L3MBTL3: variants seen among roughly 807,000 people sequenced by gnomAD.
The protein encoded by L3MBTL3 is lethal(3)malignant brain tumor-like protein 3.
A neutral mutation model predicts 102.3 loss-of-function variants in L3MBTL3; 27 were observed. The ratio of observed to expected loss-of-function variants is 0.26; its 90% CI spans 0.19 to 0.36. The LOEUF (loss-of-function observed/expected upper bound fraction) is 0.36, where lower values mean the gene tolerates loss of function less well. Ranked by LOEUF, L3MBTL3 falls within the 10% of genes least tolerant of loss-of-function variation. The pLI, the probability that L3MBTL3 is intolerant of heterozygous loss-of-function variation, is 1.00. For synonymous variants in L3MBTL3, 340 were observed against 320.9 expected (o/e 1.06, Z -0.64); for missense variants, 798 against 955.3 (o/e 0.84, Z 2.17).
intron 14 of L3MBTL3, among the ~76,000 whole-genome samples, chr6:130,082,513 T>G (rs1023597799): frequency 6.6e-6 from 1 of 152,222 alleles, no homozygotes; most frequent in African/African-American, 2.4e-5. Context: ...ATTCAGATTT[T>G]CTCAGATAGT....
At chr6:130,111,361 C>A (rs975378303) in intron 19 of L3MBTL3, among the ~76,000 whole-genome samples, 2 of 152,174 alleles carry the variant, frequency 1.3e-5, no homozygotes, top group African/African-American at 4.8e-5. Flanking sequence ...CAGAGTGAGG[C>A]TGTACATGTT....
At chr6:130,042,317 C>A (rs536608125) in intron 2 of L3MBTL3, among the ~76,000 whole-genome samples, 1 of 152,182 alleles carries the variant, frequency 6.6e-6, no homozygotes, top group Admixed American at 6.5e-5. Flanking sequence ...CTACTTTTTT[C>A]TAGTGTCTTA....
intron 7 of L3MBTL3, among the ~76,000 whole-genome samples, chr6:130,054,459 A>G (rs1262335842): frequency 6.6e-6 from 1 of 152,208 alleles, no homozygotes; most frequent in East Asian, 1.9e-4. Context: ...TGCAGTAGAC[A>G]ACGTAAGAAG....
In L3MBTL3 at chr6:130,029,768, A is replaced by G. The variant is rs557572135; in HGVS notation, c.-16+7463A>G. On this transcript the variant is annotated intron_variant, in intron 2 of 22. Transcript: ENST00000361794. ...CCCTGTGAGACTTCAGAGATCTGAT[A>G]AACTGGTTCTTGGAGGGCATGTGGA... 2.2e-3 allele frequency among the ~76,000 whole-genome samples: 340 copies of G among 152,210 alleles called. 1 individual carries two copies. The highest frequency in any genetic ancestry group is 7.9e-3 in the African/African-American group (330 of 41,510).
At chr6:130,025,635 CAT>C (rs1387955399) in intron 2 of L3MBTL3, among the ~76,000 whole-genome samples, 1 of 152,076 alleles carries the variant, frequency 6.6e-6, no homozygotes, top group Non-Finnish European at 1.5e-5. Context: ...GAACTTTCCT[CAT>C]AAACTGTAGT....
chr6:130,122,848 T>C (rs974759747), intron 20 of L3MBTL3, among the ~76,000 whole-genome samples: 7 of 152,214 alleles, frequency 4.6e-5, no homozygotes, highest in Admixed American at 1.3e-4. Context: ...TTTCGTCTTG[T>C]GTAAAATGGA....
At chr6:130,077,525 G>C (rs1783031411) in intron 13 of L3MBTL3, among the ~76,000 whole-genome samples, 1 of 152,204 alleles carries the variant, frequency 6.6e-6, no homozygotes, top group African/African-American at 2.4e-5. Context: ...AGTAAGTTCT[G>C]AGAACCATCA....
At chr6:130,076,553 C>T (rs955984894) in intron 13 of L3MBTL3, among the ~76,000 whole-genome samples, 9 of 152,072 alleles carry the variant, frequency 5.9e-5, no homozygotes, top group Non-Finnish European at 7.4e-5. Context: ...ATAATTTGCA[C>T]TTACACATGA....
In L3MBTL3 at chr6:130,041,512, T is replaced by C. The variant is rs146778595; in HGVS notation, c.-15-1173T>C. 2.2e-3 allele frequency among the ~76,000 whole-genome samples: 335 copies of C among 152,294 alleles called. 3 individuals carry two copies. The highest frequency in any genetic ancestry group is 3.3e-3 in the Non-Finnish European group (223 of 68,018). ...TTTCCTTTTCCAAATAGTGAGTTGGTTTTCTTGAATCCTGAGAAGGTGATC... is the reference window on the plus strand; with the variant it reads ...TTTCCTTTTCCAAATAGTGAGTTGGCTTTCTTGAATCCTGAGAAGGTGATC... On this transcript the variant is annotated intron_variant, in intron 2 of 22. Coordinates refer to ENST00000361794, the MANE Select transcript of L3MBTL3 (RefSeq NM_032438.4).
In L3MBTL3 at chr6:130,133,172, G is replaced by A. The variant is rs142915697; in HGVS notation, c.1967-280G>A. Among the ~76,000 whole-genome samples, 564 of 152,258 alleles carry A rather than the reference G, an allele frequency of 3.7e-3. 6 individuals carry two copies. The highest frequency in any genetic ancestry group is 0.024 in the Middle Eastern group (7 of 294). ...CCTTCCCATTAAAACTTTGAGGCAC[G>A]TTTCTTATCTGAAGCATTAAAGAGA... On this transcript the variant is annotated intron_variant, in intron 20 of 22. Coordinates refer to ENST00000361794, the MANE Select transcript of L3MBTL3 (RefSeq NM_032438.4). This position sits in a 1 kb window ranked among gnomAD's most constrained non-coding sequence, Gnocchi z 4.9.
At chr6:130,025,389 TC>T (rs1279789511) in intron 2 of L3MBTL3, among the ~76,000 whole-genome samples, 1 of 152,236 alleles carries the variant, frequency 6.6e-6, no homozygotes, top group Admixed American at 6.5e-5. Flanking sequence ...TGGATGTAAG[TC>T]AATAGTGGGA....
chr6:130,110,893 CTTAAG>C (rs750007401), intron 19 of L3MBTL3, among the ~76,000 whole-genome samples: 8 of 152,134 alleles, frequency 5.3e-5, no homozygotes, highest in Non-Finnish European at 1.2e-4. Flanking sequence ...CTTTGCTATT[CTTAAG>C]TTAAGCTTTG....
chr6:130,043,904 A>G (rs1426964154), intron 3 of L3MBTL3, among the ~76,000 whole-genome samples: 1 of 152,194 alleles, frequency 6.6e-6, no homozygotes, highest in African/African-American at 2.4e-5. Flanking sequence ...AAAATGTTGC[A>G]CTGAGGTTTA....
At chr6:130,095,213 G>T (rs978902671) in intron 18 of L3MBTL3, among the ~76,000 whole-genome samples, 1 of 152,126 alleles carries the variant, frequency 6.6e-6, no homozygotes, top group Non-Finnish European at 1.5e-5. Context: ...TGTTTATCTA[G>T]TTTGTACAGG....
At chr6:130,026,777 A>G (rs1245805252) in intron 2 of L3MBTL3, among the ~76,000 whole-genome samples, 1 of 152,112 alleles carries the variant, frequency 6.6e-6, no homozygotes, top group East Asian at 1.9e-4. Flanking sequence ...GAGACCCAAT[A>G]AGGTAGTAGG....
At chr6:130,102,608 C>G (rs377381108) in intron 18 of L3MBTL3, among the ~76,000 whole-genome samples, 1 of 152,178 alleles carries the variant, frequency 6.6e-6, no homozygotes, top group South Asian at 2.1e-4. Context: ...CTGCTTCTCC[C>G]GGTTCATCTC....
intron 1 of L3MBTL3, among the ~76,000 whole-genome samples, chr6:130,019,782 C>T (rs1244305953): frequency 6.6e-6 from 1 of 150,976 alleles, no homozygotes; most frequent in Non-Finnish European, 1.5e-5. Flanking sequence ...AAAAATAAAC[C>T]CTCCGGTTTA....
intron 8 of L3MBTL3, among the ~76,000 whole-genome samples, chr6:130,056,371 C>T (rs887212042): frequency 3.3e-5 from 5 of 152,158 alleles, no homozygotes; most frequent in African/African-American, 1.2e-4. Context: ...CATAGAGGCC[C>T]TGGGGGATGT....
chr6:130,063,901 G>C (rs1307000519), intron 10 of L3MBTL3, among the ~76,000 whole-genome samples: 3 of 152,180 alleles, frequency 2.0e-5, no homozygotes, highest in African/African-American at 7.2e-5. Context: ...GGAAGGTAAA[G>C]CTCCTTCTTG....
Sources: allele counts gnomAD v4.1 joint callset (sites outside exome capture counted in the v4.1 genomes callset), GRCh38; gene constraint gnomAD v4.1.1; non-coding constraint Gnocchi (gnomAD v3.1); transcripts MANE v1.5; gene names NCBI Gene and HGNC (gene_info 2026-07-23, HGNC 2026-07-21).